GLIS3: variants seen among roughly 807,000 people sequenced by gnomAD.
The protein encoded by GLIS3 is zinc finger protein GLIS3.
Under a neutral mutation model 78.6 loss-of-function variants are expected in GLIS3, and 53 were observed. That is an observed-to-expected ratio of 0.67 (90% CI 0.54 to 0.85). The LOEUF is 0.85. Ranked by LOEUF, GLIS3 falls within the 40% of genes least tolerant of loss-of-function variation. GLIS3 has a pLI of 0.00. For synonymous variants in GLIS3, 684 were observed against 509.9 expected, an observed-to-expected ratio of 1.34 and a Z score of -4.60; for missense variants, 1,703 against 1,231.1, an observed-to-expected ratio of 1.38 and a Z score of -5.74.
intron 1 of GLIS3, among the ~76,000 whole-genome samples, chr9:4,297,782 C>T (rs1389692585): frequency 2.0e-5 from 3 of 152,276 alleles, no homozygotes; most frequent in Non-Finnish European, 2.9e-5. Flanking sequence ...TCTCAGTCCT[C>T]GAGACCACTC....
At chr9:4,383,037 G>A in the GLIS3 span, among the ~76,000 whole-genome samples, 1 of 152,124 alleles carries the variant, frequency 6.6e-6, no homozygotes, top group Admixed American at 6.5e-5. Context: ...ACCTTGCCAA[G>A]AAAATAGACA....
intron 4 of GLIS3, among the ~76,000 whole-genome samples, chr9:4,096,658 G>T (rs1299659266): frequency 1.3e-5 from 2 of 152,140 alleles, no homozygotes; most frequent in African/African-American, 4.8e-5. Context: ...TTCTAAACAA[G>T]GCTGGAGAGA....
the GLIS3 span, among the ~76,000 whole-genome samples, chr9:4,432,657 T>C: frequency 4.7e-5 from 7 of 150,258 alleles, no homozygotes; most frequent in African/African-American, 1.7e-4. Context: ...TTTTTTTTTT[T>C]TGAGACAGAG....
rs57953443 is a variant in GLIS3, at chr9:3,828,460, C to T, written c.2657-52G>A. ...CAGTAACTCCTGCCCCATGCCACGC[C>T]CACTGGAAATGCACTACAGTAATGC... On this transcript the variant is annotated intron_variant, in intron 10 of 10. Transcript: ENST00000381971. 840 of 1,607,488 alleles carry T rather than the reference C, an allele frequency of 5.2e-4. 3 individuals are homozygous for T. The African/African-American group carries it at 9.4e-3, about 18-fold the overall frequency.
chr9:4,189,247 A>G lies in GLIS3; in HGVS notation c.389-63306T>C, dbSNP rs566289932. Among the ~76,000 whole-genome samples, 675 of 152,130 alleles carry G rather than the reference A, an allele frequency of 4.4e-3. 6 individuals are homozygous for G. Among genetic ancestry groups the G allele is most frequent in the African/African-American group, 0.016 (657 of 41,474 alleles). Reference sequence around the variant, plus strand: ...ACATCTTTATTTCTGCCTTCATTTCATTATGCACCCAGTAGTCATTCAGGA... The same window carrying G: ...ACATCTTTATTTCTGCCTTCATTTCGTTATGCACCCAGTAGTCATTCAGGA... On this transcript the variant is annotated intron_variant, in intron 2 of 10. Coordinates refer to ENST00000381971, the MANE Select transcript of GLIS3 (RefSeq NM_001042413.2).
chr9:4,100,706 G>C (rs1180168064), intron 4 of GLIS3, among the ~76,000 whole-genome samples: 2 of 152,150 alleles, frequency 1.3e-5, no homozygotes, highest in East Asian at 3.9e-4. Flanking sequence ...ATTATCTAGT[G>C]TTCTAAGTGG....
At chr9:4,347,870 C>T (rs1817915373) in intron 1 of GLIS3, among the ~76,000 whole-genome samples, 1 of 152,060 alleles carries the variant, frequency 6.6e-6, no homozygotes, top group African/African-American at 2.4e-5. Context: ...GACTGTGGCT[C>T]ATTAGCCATT....
At chr9:4,297,225 C>T (rs1441879957) in intron 1 of GLIS3, among the ~76,000 whole-genome samples, 1 of 152,146 alleles carries the variant, frequency 6.6e-6, no homozygotes, top group Admixed American at 6.5e-5. Flanking sequence ...CATGACTCAT[C>T]AAAGCTTTCA....
chr9:4,052,081 G>A, intron 4 of GLIS3, among the ~76,000 whole-genome samples: 1 of 152,176 alleles, frequency 6.6e-6, no homozygotes, highest in Non-Finnish European at 1.5e-5. Context: ...TCAATGGAGA[G>A]ATGTGCACAC....
the GLIS3 span, among the ~76,000 whole-genome samples, chr9:4,462,086 T>C: frequency 6.6e-6 from 1 of 152,058 alleles, no homozygotes; most frequent in East Asian, 1.9e-4. Context: ...GAACAATAAT[T>C]CTCAGATTAT....
At chr9:3,839,142 GT>G (rs1361279553) in intron 9 of GLIS3, among the ~76,000 whole-genome samples, 3 of 152,152 alleles carry the variant, frequency 2.0e-5, no homozygotes, top group Non-Finnish European at 4.4e-5. Flanking sequence ...TCAAACAAAT[GT>G]TCCCATTTTA....
At chr9:3,997,371 AAAAATAAAAT>A (rs569835206) in intron 4 of GLIS3, among the ~76,000 whole-genome samples, 12 of 152,004 alleles carry the variant, frequency 7.9e-5, no homozygotes, top group African/African-American at 1.4e-4. Context: ...CAATAAAAAT[AAAAATAAAAT>A]AAAATAAAAT....
intron 4 of GLIS3, among the ~76,000 whole-genome samples, chr9:3,956,888 C>A (rs1205499826): frequency 6.6e-6 from 1 of 152,014 alleles, no homozygotes; most frequent in Non-Finnish European, 1.5e-5. Context: ...TGCCTCAACT[C>A]TCAGGCACAT....
chr9:4,431,542 T>A, the GLIS3 span, among the ~76,000 whole-genome samples: 1 of 152,086 alleles, frequency 6.6e-6, no homozygotes, highest in African/African-American at 2.4e-5. Context: ...TGGCAAATGT[T>A]TTCTGTAAAA....
intron 4 of GLIS3, chr9:4,071,452 T>A (rs578187116): frequency 2.6e-5 from 4 of 152,318 alleles, no homozygotes; most frequent in East Asian, 3.9e-4. Flanking sequence ...GCCAATGAGA[T>A]ATGATGGGGT....
At chr9:4,323,813 G>A (rs868421050) in intron 2 of GLIS3, among the ~76,000 whole-genome samples, 12 of 152,140 alleles carry the variant, frequency 7.9e-5, no homozygotes, top group African/African-American at 2.9e-4. Context: ...GCACATCATA[G>A]GGGCGCAGCA....
chr9:3,927,979 G>A (rs999285674), intron 6 of GLIS3, among the ~76,000 whole-genome samples: 9 of 152,208 alleles, frequency 5.9e-5, no homozygotes, highest in Admixed American at 4.6e-4. Flanking sequence ...CTTTATTGAA[G>A]TAAGTTACTT....
At chr9:3,919,038 G>T (rs1375665799) in intron 6 of GLIS3, among the ~76,000 whole-genome samples, 3 of 152,184 alleles carry the variant, frequency 2.0e-5, no homozygotes, top group Non-Finnish European at 1.5e-5. Flanking sequence ...ATGGGGGACA[G>T]TGACCATGTG....
chr9:4,018,824 C>A (rs981656983), intron 4 of GLIS3, among the ~76,000 whole-genome samples: 3 of 152,160 alleles, frequency 2.0e-5, no homozygotes, highest in African/African-American at 7.2e-5. Flanking sequence ...TAAATGGGGA[C>A]AAGCTAATGA....
Sources: allele counts gnomAD v4.1 joint callset (sites outside exome capture counted in the v4.1 genomes callset), GRCh38; gene constraint gnomAD v4.1.1; transcripts MANE v1.5; gene names NCBI Gene and HGNC (gene_info 2026-07-23, HGNC 2026-07-21).